The following TMEM178B variants were observed in gnomAD, a reference collection of about 807,000 sequenced individuals.
TMEM178B encodes the protein transmembrane protein 178B.
A neutral mutation model predicts 31.0 loss-of-function variants in TMEM178B; 5 were observed. That is an observed-to-expected ratio of 0.16 (90% CI 0.08 to 0.34). The LOEUF (loss-of-function observed/expected upper bound fraction) is 0.34, where lower values mean the gene tolerates loss of function less well. TMEM178B is among the 10% of genes least tolerant of loss of function. The pLI is 1.00. For missense variants in TMEM178B, 275 were observed against 400.3 expected (o/e 0.69, Z 2.67); for synonymous variants, 164 against 164.0 (o/e 1.00, Z 0.00).
intron 2 of TMEM178B, among the ~76,000 whole-genome samples, chr7:141,335,883 A>G (rs1799377307): frequency 6.6e-6 from 1 of 152,058 alleles, no homozygotes; most frequent in African/African-American, 2.4e-5. Context: ...TTTTTCCCCA[A>G]GTGTCTCTGG....
intron 2 of TMEM178B, among the ~76,000 whole-genome samples, chr7:141,227,434 G>A (rs900738132): frequency 1.3e-5 from 2 of 152,210 alleles, no homozygotes; most frequent in Admixed American, 6.5e-5. Context: ...TGCAGAGGCT[G>A]TGCTAAGTGC....
At chr7:141,214,325 T>C (rs1358366935) in intron 2 of TMEM178B, among the ~76,000 whole-genome samples, 11 of 152,184 alleles carry the variant, frequency 7.2e-5, no homozygotes, top group African/African-American at 2.7e-4. Context: ...TTAACTCCAT[T>C]TAACCAAAGT....
intron 2 of TMEM178B, among the ~76,000 whole-genome samples, chr7:141,228,041 C>T (rs73737729): frequency 0.02 from 2,929 of 149,408 alleles, 94 homozygotes; most frequent in African/African-American, 0.068. Context: ...GGTGTGTGTA[C>T]ACACACACAC....
At chr7:141,308,480 C>A (rs1002541069) in intron 2 of TMEM178B, among the ~76,000 whole-genome samples, 1 of 152,136 alleles carries the variant, frequency 6.6e-6, no homozygotes, top group Non-Finnish European at 1.5e-5. Flanking sequence ...CTCACTGCAT[C>A]CTCAAACTCC....
chr7:141,429,514 C>G (rs1371230257), intron 2 of TMEM178B, among the ~76,000 whole-genome samples: 1 of 152,132 alleles, frequency 6.6e-6, no homozygotes, highest in Admixed American at 6.5e-5. Flanking sequence ...GAGAATAGAA[C>G]AGTGGTTACC....
chr7:141,448,863 G>A (rs1446315210), intron 3 of TMEM178B, among the ~76,000 whole-genome samples: 1 of 152,154 alleles, frequency 6.6e-6, no homozygotes, highest in Non-Finnish European at 1.5e-5. Context: ...TCACTAAACT[G>A]TGCTGAGTTG....
At chr7:141,435,521 G>T (rs1049158634) in intron 2 of TMEM178B, among the ~76,000 whole-genome samples, 2 of 152,188 alleles carry the variant, frequency 1.3e-5, no homozygotes, top group Non-Finnish European at 2.9e-5. Flanking sequence ...CTCTTGTGGT[G>T]GTGGGGAAAG....
rs142963110 is a variant in TMEM178B, at chr7:141,165,378, C to T, written c.383-47213C>T. ...CTTGAGTTTCTCTGATGTTATCTCA[C>T]GGAATAGTCTGGGTTATTAGGTTTT... is the stretch of plus-strand genomic sequence containing the variant. On this transcript the variant is annotated intron_variant, in intron 1 of 3. Coordinates refer to ENST00000565468, the MANE Select transcript of TMEM178B (RefSeq NM_001195278.2). 3.3e-3 allele frequency among the ~76,000 whole-genome samples: 509 copies of T among 152,226 alleles called. 4 individuals carry two copies. Among genetic ancestry groups the T allele is most frequent in the African/African-American group, 0.012 (486 of 41,522 alleles).
the TMEM178B span, among the ~76,000 whole-genome samples, chr7:141,499,668 G>T: frequency 7.9e-5 from 12 of 151,800 alleles, no homozygotes; most frequent in African/African-American, 2.7e-4. Context: ...CCCCACAAAA[G>T]ATAAGTATAT....
Position 141,135,285 on chromosome 7 carries a change from A to G in TMEM178B, c.382+60593A>G, listed in dbSNP as rs1795657833. ...GAGGCTTCAATACAATCACAGTAGG[A>G]GACTTAAACACCCCACTCTCAGCAT... On this transcript the variant is annotated intron_variant, in intron 1 of 3. Transcript: ENST00000565468. 2.0e-5 allele frequency among the ~76,000 whole-genome samples: 3 copies of G among 152,330 alleles called. No homozygotes were observed. The South Asian group carries it at 6.2e-4, about 32-fold the overall frequency.
chr7:141,101,319 C>A (rs559032803), intron 1 of TMEM178B, among the ~76,000 whole-genome samples: 2 of 152,108 alleles, frequency 1.3e-5, no homozygotes, highest in African/African-American at 4.8e-5. Context: ...TCTGTTTTTC[C>A]CTTTAACCTT....
At chr7:141,222,621 G>A (rs1797274413) in intron 2 of TMEM178B, among the ~76,000 whole-genome samples, 1 of 152,178 alleles carries the variant, frequency 6.6e-6, no homozygotes, top group Admixed American at 6.5e-5. Context: ...ATGGGAGCTG[G>A]GGGGAATGCC....
intron 2 of TMEM178B, among the ~76,000 whole-genome samples, chr7:141,363,207 C>T (rs1799947099): frequency 6.6e-6 from 1 of 152,204 alleles, no homozygotes; most frequent in South Asian, 2.1e-4. Context: ...GTGAATGGGA[C>T]TGGCACAAAC....
chr7:141,440,040 C>T (rs958843676), intron 3 of TMEM178B, among the ~76,000 whole-genome samples: 14 of 152,214 alleles, frequency 9.2e-5, no homozygotes, highest in African/African-American at 3.1e-4. Context: ...AGTGGTTGAC[C>T]AACAGATGTG....
intron 2 of TMEM178B, among the ~76,000 whole-genome samples, chr7:141,225,417 A>G (rs1210101563): frequency 1.4e-5 from 2 of 139,664 alleles, no homozygotes; most frequent in Non-Finnish European, 3.1e-5. Context: ...AATTACTGCT[A>G]TCACAACAGG....
intron 2 of TMEM178B, among the ~76,000 whole-genome samples, chr7:141,229,662 C>A (rs902218822): frequency 1.3e-5 from 2 of 152,084 alleles, no homozygotes; most frequent in African/African-American, 2.4e-5. Context: ...ATGTTTCATT[C>A]CTGTAATCCC....
chr7:141,074,790 C>G lies in TMEM178B; in HGVS notation c.382+98C>G. 2 of 1,418,018 alleles carry G rather than the reference C, an allele frequency of 1.4e-6. No homozygotes were observed. The highest frequency in any genetic ancestry group is 1.8e-6 in the Non-Finnish European group (2 of 1,085,190). The allele number at this position is 1,418,018 out of a possible 1,614,324, so 87.8% of individuals were successfully genotyped here. A position where few individuals can be genotyped will look rare whatever the true frequency, so the allele number is the denominator to read the frequency against. ...CTTCCCAGGCCACAGGCTATCAGGT[C>G]TCTGGGTTCCAGGCGGTCCGGTTAT... On this transcript the variant is annotated intron_variant, in intron 1 of 3. Transcript: ENST00000565468. This position sits in a 1 kb window ranked among gnomAD's most constrained non-coding sequence, Gnocchi z 5.1.
intron 2 of TMEM178B, among the ~76,000 whole-genome samples, chr7:141,365,444 C>T (rs557688112): frequency 5.3e-5 from 8 of 152,248 alleles, no homozygotes; most frequent in African/African-American, 1.9e-4. Flanking sequence ...GTGCTTAGGA[C>T]CTGTATGAAT....
At chr7:141,288,090 C>T (rs770699183) in intron 2 of TMEM178B, among the ~76,000 whole-genome samples, 1 of 152,166 alleles carries the variant, frequency 6.6e-6, no homozygotes, top group African/African-American at 2.4e-5. Flanking sequence ...GCTGTGTGCC[C>T]GTGCGGTTGG....
Sources: allele counts gnomAD v4.1 joint callset (sites outside exome capture counted in the v4.1 genomes callset), GRCh38; gene constraint gnomAD v4.1.1; non-coding constraint Gnocchi (gnomAD v3.1); transcripts MANE v1.5; gene names NCBI Gene and HGNC (gene_info 2026-07-23, HGNC 2026-07-21).